The following CACNA1E variants were observed in gnomAD, a reference collection of about 807,000 sequenced individuals.
CACNA1E encodes voltage-dependent R-type calcium channel subunit alpha-1E.
Under a neutral mutation model 259.2 loss-of-function variants are expected in CACNA1E, and 40 were observed. The observed-to-expected ratio is 0.15, with a 90% CI of 0.12 to 0.20. The LOEUF is 0.20. Among genes scored for constraint, CACNA1E ranks in the 10% least tolerant of loss-of-function variants. The pLI is 1.00. For synonymous variants in CACNA1E, 1,104 were observed against 1,138.5 expected (o/e 0.97, Z 0.61); for missense variants, 1,874 against 3,040.1 (o/e 0.62, Z 9.02).
chr1:181,331,188 G>A (rs1020877651), intron 1 of CACNA1E, among the ~76,000 whole-genome samples: 3 of 151,964 alleles, frequency 2.0e-5, no homozygotes, highest in African/African-American at 7.3e-5. Context: ...TATTAGTTAG[G>A]GTTCCCCAGA....
intron 3 of CACNA1E, among the ~76,000 whole-genome samples, chr1:181,533,145 G>C (rs1667906959): frequency 6.6e-6 from 1 of 152,114 alleles, no homozygotes; most frequent in African/African-American, 2.4e-5. Context: ...AATCGAGACA[G>C]AGACAGGATA....
At position 181,419,894 on chromosome 1, in the gene CACNA1E, C is replaced by T. The variant is rs560252776; in HGVS notation, c.434+6314C>T. On this transcript the variant is annotated intron_variant, in intron 2 of 11. Coordinates refer to the CACNA1E transcript ENST00000524607. ...CAGGGCTGCCCAGGATCTGCATGCA[C>T]TTTGTAGAGATGGAAATTTTTCCTC... Among the ~76,000 whole-genome samples the T allele has an allele frequency of 2.1e-3, 327 of 152,290 alleles. 1 individual carries two copies. The highest frequency in any genetic ancestry group is 3.6e-3 in the Non-Finnish European group (248 of 68,022).
intron 6 of CACNA1E, among the ~76,000 whole-genome samples, chr1:181,593,952 G>A (rs1445171960): frequency 6.6e-6 from 1 of 152,164 alleles, no homozygotes; most frequent in Non-Finnish European, 1.5e-5. Flanking sequence ...TAGCATAATG[G>A]AAAAATAATG....
intron 2 of CACNA1E, among the ~76,000 whole-genome samples, chr1:181,450,850 A>G (rs1661114349): frequency 6.6e-6 from 1 of 152,240 alleles, no homozygotes; most frequent in Non-Finnish European, 1.5e-5. Flanking sequence ...GTCTTAGGTG[A>G]TAAGAGCAGT....
intron 2 of CACNA1E, among the ~76,000 whole-genome samples, chr1:181,437,465 T>C (rs1172981186): frequency 6.6e-6 from 1 of 152,166 alleles, no homozygotes; most frequent in Non-Finnish European, 1.5e-5. Context: ...AAGTGGCGAA[T>C]GTTGTCCCCA....
At position 181,621,631 on chromosome 1, in the gene CACNA1E, G is replaced by A. The variant is rs1322375153; in HGVS notation, c.952-29707G>A. On this transcript the variant is annotated intron_variant, in intron 6 of 47. Coordinates refer to ENST00000367573, the MANE Select transcript of CACNA1E (RefSeq NM_001205293.3). ...ATAAGGGAGGACAGAACATAGATAA[G>A]CAGAATGAGATATAGTGAATAAATT... 2.0e-5 allele frequency among the ~76,000 whole-genome samples: 3 copies of A among 152,180 alleles called. No homozygotes were observed. In the East Asian group the frequency reaches 5.8e-4, roughly 29 times the overall value.
At chr1:181,562,740 T>C (rs912614556) in intron 3 of CACNA1E, among the ~76,000 whole-genome samples, 1 of 152,140 alleles carries the variant, frequency 6.6e-6, no homozygotes, top group East Asian at 1.9e-4. Context: ...TCCTAATAAA[T>C]AGAAAAAGTG....
Position 181,488,021 on chromosome 1 carries a change from T to C in CACNA1E, c.266+4011T>C, listed in dbSNP as rs57313255. Among the ~76,000 whole-genome samples, 271 of 152,316 alleles carry C rather than the reference T, an allele frequency of 1.8e-3. 2 individuals are homozygous for C. Among genetic ancestry groups the C allele is most frequent in the African/African-American group, 6.3e-3 (261 of 41,566 alleles). On this transcript the variant is annotated intron_variant, in intron 1 of 47. Coordinates refer to ENST00000367573, the MANE Select transcript of CACNA1E (RefSeq NM_001205293.3). ...AACCTGTGGACATTAATCCATGATT[T>C]CTTATTGTAGAGAATTTCACTGTAT...
upstream of CACNA1E, chr1:181,483,256 T>TCCTTCCCACC (rs1663450434): frequency 6.6e-6 from 1 of 152,634 alleles, no homozygotes. Context: ...CATTTTCCCC[T>TCCTTCCCACC]CCTTCCCACC....
intron 18 of CACNA1E, 67 bp downstream of exon 18, chr1:181,726,229 G>T (rs940713761): frequency 1.8e-6 from 2 of 1,135,646 alleles, no homozygotes; most frequent in African/African-American, 3.1e-5. Context: ...TCAACTCACA[G>T]AACTATTGGT....
chr1:181,710,736 T>C lies in CACNA1E; in HGVS notation c.1056-218T>C, dbSNP rs569498727. ...AGCAATCAGTTGGTCCTGACTGGAA[T>C]GCAGCTAGTCTGGGAAGGCTTCCTT... On this transcript the variant is annotated intron_variant, in intron 7 of 47. Coordinates refer to ENST00000367573, the MANE Select transcript of CACNA1E (RefSeq NM_001205293.3). Among the ~76,000 whole-genome samples the C allele has an allele frequency of 1.8e-4, 28 of 152,356 alleles. No individual in the cohort carries two copies. In the South Asian group the frequency reaches 5.4e-3, roughly 29 times the overall value.
chr1:181,794,052 C>T (rs953698949), intron 45 of CACNA1E, among the ~76,000 whole-genome samples: 1 of 152,152 alleles, frequency 6.6e-6, no homozygotes, highest in Non-Finnish European at 1.5e-5. Flanking sequence ...TTCAACCAGC[C>T]ATGCAAGAAA....
At chr1:181,688,490 G>A (rs1173470729) in intron 7 of CACNA1E, among the ~76,000 whole-genome samples, 1 of 152,150 alleles carries the variant, frequency 6.6e-6, no homozygotes, top group Non-Finnish European at 1.5e-5. Flanking sequence ...AACTCTGCAA[G>A]ATAATGCCCA....
At chr1:181,461,794 A>G (rs1661835499) in intron 2 of CACNA1E, among the ~76,000 whole-genome samples, 1 of 152,100 alleles carries the variant, frequency 6.6e-6, no homozygotes, top group South Asian at 2.1e-4. Context: ...GGGAAATTAC[A>G]AAAGTATTTT....
intron 1 of CACNA1E, among the ~76,000 whole-genome samples, chr1:181,323,324 C>T (rs547009070): frequency 1.1e-4 from 16 of 152,274 alleles, no homozygotes; most frequent in East Asian, 7.7e-4. Flanking sequence ...TATTCTCTGA[C>T]GCTGGCATAG....
At chr1:181,708,531 G>A (rs1157817681) in intron 7 of CACNA1E, among the ~76,000 whole-genome samples, 1 of 152,178 alleles carries the variant, frequency 6.6e-6, no homozygotes, top group Non-Finnish European at 1.5e-5. Flanking sequence ...TCAAGGTCTT[G>A]CTCAAAATAT....
intron 26 of CACNA1E, among the ~76,000 whole-genome samples, chr1:181,751,374 G>T (rs1657578698): frequency 1.3e-5 from 2 of 152,256 alleles, no homozygotes; most frequent in South Asian, 4.1e-4. Context: ...TGGGCCTGCA[G>T]TTTGGGCCTC....
Position 181,483,797 on chromosome 1 carries a change from A to T in CACNA1E, c.53A>T (p.Asp18Val), listed in dbSNP as rs1379505181. ...GCCAGGCCAGGGTCCGGCGATGGAG[A>T]CTCGGACCAGAGCAGGAACCGGCAA... ...VVARPGSGDG[D>V]SDQSRNRQGT... Residue 18 changes from aspartate (D) to valine (V), a missense_variant, in exon 1 of 48, where the codon GAC becomes GTC. Asp to Val is a radical substitution (Grantham distance 152, BLOSUM62 -3). This residue lies in a region of CACNA1E where 110 missense variants were observed against 122.8 expected (regional missense o/e 0.90). Coordinates refer to ENST00000367573, the MANE Select transcript of CACNA1E (RefSeq NM_001205293.3). 1 of 1,611,578 alleles carries T rather than the reference A, an allele frequency of 6.2e-7. No individual in the cohort carries two copies.
chr1:181,692,707 C>G (rs1040864089), intron 7 of CACNA1E, among the ~76,000 whole-genome samples: 6 of 152,014 alleles, frequency 3.9e-5, no homozygotes, highest in African/African-American at 1.4e-4. Context: ...AGAAATACAC[C>G]TAGGAAACAC....
Sources: gnomAD v4.1 joint callset for allele counts (sites outside exome capture counted in the v4.1 genomes callset) on GRCh38, gnomAD v4.1.1 for gene constraint, gnomAD v4.1.1 regional missense constraint, MANE v1.5 for transcripts, NCBI Gene and HGNC (gene_info 2026-07-23, HGNC 2026-07-21) for gene names.